The following THAP2 variants were observed in gnomAD, a reference collection of about 807,000 sequenced individuals.
The protein encoded by THAP2 is THAP domain-containing protein 2.
A neutral mutation model predicts 18.8 loss-of-function variants in THAP2; 16 were observed. The observed-to-expected ratio is 0.85, with a 90% confidence interval of 0.58 to 1.29. THAP2 has a LOEUF of 1.29. THAP2 is among the 50% of genes most tolerant of loss of function. THAP2 has a pLI of 0.00. For missense variants in THAP2, 251 were observed against 265.3 expected (o/e 0.95, Z 0.38); for synonymous variants, 80 against 89.2 (o/e 0.90, Z 0.58).
intron 2 of THAP2, 93 bp downstream of exon 2, chr12:71,674,491 T>G: frequency 3.1e-6 from 4 of 1,274,748 alleles, no homozygotes; most frequent in Non-Finnish European, 4.2e-6. Context: ...TTTATAGTGA[T>G]ATGCCTCAAA....
intron 1 of THAP2, among the ~76,000 whole-genome samples, chr12:71,672,225 C>G (rs997384893): frequency 1.3e-5 from 2 of 152,144 alleles, no homozygotes; most frequent in Admixed American, 6.5e-5. Context: ...GTTCAGACAG[C>G]CTTTCTCTTG....
In THAP2 at chr12:71,676,720, A is replaced by G. The variant is rs1330786640; in HGVS notation, c.299A>G (p.Asn100Ser). ...KLKSRNLLKK[N>S]NSCSPAGPSN... ...AAGTCAAGGAATCTTTTGAAGAAAA[A>G]CAACAGTTGTTCTCCAGCTGGACCA... The change falls in exon 3 of 3, where the codon AAC (asparagine) becomes AGC (serine). Residue 100 changes from asparagine to serine, a missense_variant. By Grantham distance (46) the Asn-to-Ser change is conservative. Coordinates refer to ENST00000308086, the MANE Select transcript of THAP2 (RefSeq NM_031435.4). The G allele has an allele frequency of 6.3e-7, 1 of 1,583,344 alleles. No homozygotes were observed. The highest frequency in any genetic ancestry group is 8.6e-7 in the Non-Finnish European group (1 of 1,168,062).
chr12:71,670,026 T>G (rs994838210), intron 1 of THAP2, among the ~76,000 whole-genome samples: 3 of 151,840 alleles, frequency 2.0e-5, no homozygotes, highest in Non-Finnish European at 4.4e-5. Flanking sequence ...TGGAGTGATA[T>G]ACAGATGTTA....
intron 2 of THAP2, among the ~76,000 whole-genome samples, chr12:71,675,248 G>A (rs1349794189): frequency 3.3e-5 from 5 of 152,008 alleles, no homozygotes; most frequent in Non-Finnish European, 7.4e-5. Flanking sequence ...AAATGTATAT[G>A]AGTTATTATC....
At chr12:71,674,865 T>C (rs1471846042) in intron 2 of THAP2, among the ~76,000 whole-genome samples, 1 of 151,808 alleles carries the variant, frequency 6.6e-6, no homozygotes, top group Middle Eastern at 3.2e-3. Context: ...GAGTTTAAAA[T>C]AGAGGAAAGG....
chr12:71,667,580 A>ATCC (rs1881364272), intron 1 of THAP2: 1 of 152,240 alleles, frequency 6.6e-6, no homozygotes, highest in Non-Finnish European at 1.5e-5. Context: ...GAAACTTGGA[A>ATCC]GTCTTCCTCC....
At chr12:71,673,725 A>G (rs919333358) in intron 1 of THAP2, among the ~76,000 whole-genome samples, 1 of 152,174 alleles carries the variant, frequency 6.6e-6, no homozygotes, top group Non-Finnish European at 1.5e-5. Flanking sequence ...GAAAAATTAC[A>G]AAACAAGGTG....
Position 71,664,456 on chromosome 12 carries a change from A to T in THAP2, c.-54A>T. 2 of 1,608,368 alleles carry T rather than the reference A, an allele frequency of 1.2e-6. No homozygotes were observed. The highest frequency in any genetic ancestry group is 2.7e-5 in the African/African-American group (2 of 74,934). Reference sequence around the variant, plus strand: ...TCCAGCCTCTGCCAGAAGAAAGCTTAGCAGCCAGCGCCTCAGTAGAGACCT... The same window carrying T: ...TCCAGCCTCTGCCAGAAGAAAGCTTTGCAGCCAGCGCCTCAGTAGAGACCT... On this transcript the variant is annotated 5_prime_UTR_variant, in exon 1 of 3. Transcript: ENST00000308086.
At chr12:71,665,413 T>G (rs982067714) in intron 1 of THAP2, 1 of 155,368 alleles carries the variant, frequency 6.4e-6, no homozygotes, top group African/African-American at 2.4e-5. Flanking sequence ...AACTGTACTT[T>G]TATTAAAAGC....
intron 1 of THAP2, among the ~76,000 whole-genome samples, chr12:71,671,086 A>G (rs1280916729): frequency 6.6e-6 from 1 of 152,134 alleles, no homozygotes; most frequent in Non-Finnish European, 1.5e-5. Context: ...TGCCTCAGGC[A>G]TGGCAAAGGT....
intron 1 of THAP2, chr12:71,667,694 G>A (rs1021499105): frequency 9.9e-5 from 15 of 152,280 alleles, no homozygotes; most frequent in African/African-American, 3.6e-4. Flanking sequence ...GTAATCAATA[G>A]TATGTTGCTA....
Position 71,664,441 on chromosome 12 carries a change from G to A in THAP2, c.-69G>A. On this transcript the variant is annotated 5_prime_UTR_variant, in exon 1 of 3. Transcript: ENST00000308086. ...CGCCTGCCTCGATTGTCCAGCCTCT[G>A]CCAGAAGAAAGCTTAGCAGCCAGCG... 2 of 1,596,272 alleles carry A rather than the reference G, an allele frequency of 1.3e-6. No individual in the cohort carries two copies. Among genetic ancestry groups the A allele is most frequent in the Non-Finnish European group, 1.7e-6 (2 of 1,164,580 alleles).
intron 1 of THAP2, among the ~76,000 whole-genome samples, chr12:71,672,561 C>A (rs1490963892): frequency 6.6e-6 from 1 of 151,912 alleles, no homozygotes; most frequent in Non-Finnish European, 1.5e-5. Context: ...ATTTCCAATA[C>A]AGAATAGAAA....
intron 2 of THAP2, among the ~76,000 whole-genome samples, chr12:71,675,622 G>A (rs906965372): frequency 1.3e-5 from 2 of 151,996 alleles, no homozygotes; most frequent in Non-Finnish European, 2.9e-5. Flanking sequence ...GGAATGCATA[G>A]TATGTGTTTC....
chr12:71,676,760 A>C lies in THAP2; in HGVS notation c.339A>C (p.Ser113=), dbSNP rs550764864. 6.2e-7 allele frequency: 1 copy of C among 1,609,358 alleles called. No individual in the cohort carries two copies. The highest frequency in any genetic ancestry group is 2.2e-5 in the East Asian group (1 of 44,842). The change falls in exon 3 of 3, where the codon TCA becomes TCC. Residue 113 remains serine (S), a synonymous_variant. Transcript: ENST00000308086. ...CAGCTGGACCATCTAATTTAAAATC[A>C]AACATTAGTAGTCAGCAAGTACTAC... ...CSPAGPSNLK[S]NISSQQVLLE... is the part of the protein sequence containing the mutation.
intron 1 of THAP2, chr12:71,665,037 T>A: frequency 2.9e-6 from 2 of 698,282 alleles, no homozygotes; most frequent in Non-Finnish European, 5.2e-6. Context: ...TGCGGAGGAA[T>A]TGAGTCATCT....
rs772128975 is a variant in THAP2 at position 71,664,910 on chromosome 12, T to G, written c.71+330T>G. ...AATGACGCCGTAAGGGAGAAAGAGA[T>G]CTTCCCAATCAGCAATCACCGTAAA... On this transcript the variant is annotated intron_variant, in intron 1 of 2. Coordinates refer to ENST00000308086, the MANE Select transcript of THAP2 (RefSeq NM_031435.4). The G allele has an allele frequency of 2.3e-5, 16 of 702,238 alleles. No individual in the cohort carries two copies. The Admixed American group carries it at 2.8e-4, about 12-fold the overall frequency. The allele number at this position is 702,238 out of a possible 1,614,324, so 43.5% of individuals were successfully genotyped here.
intron 1 of THAP2, chr12:71,664,906 G>A (rs1025988810): frequency 5.7e-6 from 4 of 702,234 alleles, no homozygotes; most frequent in Non-Finnish European, 7.8e-6. Context: ...AAGGGAGAAA[G>A]AGATCTTCCC....
intron 1 of THAP2, among the ~76,000 whole-genome samples, chr12:71,671,468 AGAT>A (rs1485215202): frequency 1.3e-5 from 2 of 152,310 alleles, no homozygotes; most frequent in African/African-American, 4.8e-5. Context: ...AATTTCTTTA[AGAT>A]CCATATCTTG....
Sources: allele counts gnomAD v4.1 joint callset (sites outside exome capture counted in the v4.1 genomes callset), GRCh38; gene constraint gnomAD v4.1.1; transcripts MANE v1.5; gene names NCBI Gene and HGNC (gene_info 2026-07-23, HGNC 2026-07-21).